Variants in CLVS1 observed in about 807,000 individuals in gnomAD.
CLVS1 encodes clavesin 1, also known as clavesin-1.
Under a neutral mutation model 33.1 loss-of-function variants are expected in CLVS1, and 10 were observed. That is an observed-to-expected ratio of 0.30 (90% CI 0.19 to 0.51). The LOEUF (loss-of-function observed/expected upper bound fraction) is 0.51, where lower values mean the gene tolerates loss of function less well. Among genes scored for constraint, CLVS1 ranks in the 20% least tolerant of loss-of-function variants. CLVS1 has a pLI of 0.97. For missense variants in CLVS1, 343 were observed against 433.4 expected, an observed-to-expected ratio of 0.79 and a Z score of 1.85; for synonymous variants, 163 against 166.1, an observed-to-expected ratio of 0.98 and a Z score of 0.14.
At chr8:61,113,844 C>G (rs73685729) in intron 1 of CLVS1, among the ~76,000 whole-genome samples, 2,664 of 152,288 alleles carry the variant, frequency 0.017, 79 homozygotes, top group African/African-American at 0.057. Context: ...GTTGCCCAGG[C>G]TGGTCTCAAA....
chr8:61,011,691 C>T, the CLVS1 span, among the ~76,000 whole-genome samples: 1 of 152,180 alleles, frequency 6.6e-6, no homozygotes, highest in East Asian at 1.9e-4. Context: ...TCGTGATTCA[C>T]CCACCTCGGA....
At chr8:61,231,286 G>GCACACACACACA (rs4033613) in intron 2 of CLVS1, among the ~76,000 whole-genome samples, 152 of 150,076 alleles carry the variant, frequency 1.0e-3, no homozygotes, top group African/African-American at 3.6e-3. Flanking sequence ...ACCTGTGCTT[G>GCACACACACACA]CACACACACA....
At chr8:61,015,036 C>T in the CLVS1 span, among the ~76,000 whole-genome samples, 1 of 152,234 alleles carries the variant, frequency 6.6e-6, no homozygotes, top group African/African-American at 2.4e-5. Context: ...AATACCAAAT[C>T]TGCCAGTGGC....
At chr8:61,193,621 A>G (rs1030982757) in intron 2 of CLVS1, among the ~76,000 whole-genome samples, 11 of 152,142 alleles carry the variant, frequency 7.2e-5, no homozygotes. Context: ...ACTGTAAGAA[A>G]ACAACCGCCA....
rs377090795 is a variant in CLVS1 at position 61,068,199 on chromosome 8, GTA to G, written c.-243+10987_-243+10988del. On this transcript the variant is annotated intron_variant, in intron 1 of 2. Transcript: ENST00000522621. Reference sequence around the variant, plus strand: ...ATTAAAAGAATATATATGTGTATATGTATATATATATATATATATGTATGTAT... The same window carrying G: ...ATTAAAAGAATATATATGTGTATATGTATATATATATATATATGTATGTAT... Among the ~76,000 whole-genome samples, 260 of 97,592 alleles carry G rather than the reference GTA, an allele frequency of 2.7e-3. 2 individuals carry two copies. The highest frequency in any genetic ancestry group is 7.7e-3 in the African/African-American group (166 of 21,520). The allele number at this position is 97,592 out of a possible 152,430, so 64.0% of individuals were successfully genotyped here. A position where few individuals can be genotyped will look rare whatever the true frequency, so the allele number is the denominator to read the frequency against.
intron 1 of CLVS1, among the ~76,000 whole-genome samples, chr8:61,293,100 A>T (rs1392305521): frequency 2.6e-5 from 4 of 151,952 alleles, no homozygotes. Flanking sequence ...GAGCCAAGGG[A>T]GTCTACACAA....
chr8:61,266,262 A>G (rs1433189936), intron 2 of CLVS1, among the ~76,000 whole-genome samples: 1 of 151,014 alleles, frequency 6.6e-6, no homozygotes, highest in Non-Finnish European at 1.5e-5. Flanking sequence ...ACTTGTGACA[A>G]TGCCAGACAC....
At chr8:61,121,272 C>G (rs1805864360) in intron 1 of CLVS1, among the ~76,000 whole-genome samples, 1 of 152,204 alleles carries the variant, frequency 6.6e-6, no homozygotes, top group Admixed American at 6.5e-5. Flanking sequence ...CACCCACTGT[C>G]TGGCACTCCC....
chr8:61,432,189 T>C (rs895978972), intron 3 of CLVS1, among the ~76,000 whole-genome samples: 2 of 152,164 alleles, frequency 1.3e-5, no homozygotes. Context: ...GTGAGATCTC[T>C]TTCAAATGAT....
intron 2 of CLVS1, among the ~76,000 whole-genome samples, chr8:61,219,805 G>C (rs1203068188): frequency 6.6e-6 from 1 of 151,990 alleles, no homozygotes; most frequent in Non-Finnish European, 1.5e-5. Context: ...GCCTTGCCAG[G>C]ATCTATTGTT....
intron 1 of CLVS1, among the ~76,000 whole-genome samples, chr8:61,062,147 C>T (rs1310429919): frequency 6.6e-6 from 1 of 152,130 alleles, no homozygotes; most frequent in Non-Finnish European, 1.5e-5. Context: ...GTCAAAACTC[C>T]ACCCCTGGGA....
the CLVS1 span, among the ~76,000 whole-genome samples, chr8:60,999,525 C>T: frequency 6.6e-6 from 1 of 152,184 alleles, no homozygotes; most frequent in Non-Finnish European, 1.5e-5. Context: ...ACCCTGCCTA[C>T]CTCACAAGGA....
intron 2 of CLVS1, among the ~76,000 whole-genome samples, chr8:61,144,682 A>G (rs1426801734): frequency 6.6e-6 from 1 of 152,204 alleles, no homozygotes; most frequent in Non-Finnish European, 1.5e-5. Context: ...AACAGTGTAA[A>G]AGCATTCCTA....
At chr8:61,191,009 C>G (rs1238727285) in intron 2 of CLVS1, among the ~76,000 whole-genome samples, 1 of 152,184 alleles carries the variant, frequency 6.6e-6, no homozygotes, top group Non-Finnish European at 1.5e-5. Flanking sequence ...AGGGAATCCT[C>G]CCTAACTCAT....
chr8:61,186,713 T>G (rs1409164450), intron 2 of CLVS1, among the ~76,000 whole-genome samples: 3 of 152,134 alleles, frequency 2.0e-5, no homozygotes, highest in African/African-American at 7.2e-5. Context: ...AAAGAGACTC[T>G]GTAATTGAAA....
intron 1 of CLVS1, among the ~76,000 whole-genome samples, chr8:61,062,213 A>G (rs189287442): frequency 1.3e-5 from 2 of 152,320 alleles, no homozygotes; most frequent in East Asian, 1.9e-4. Context: ...TACAGTTACC[A>G]GGAGGATACT....
chr8:61,167,886 A>G (rs565260687), intron 2 of CLVS1, among the ~76,000 whole-genome samples: 3 of 152,320 alleles, frequency 2.0e-5, no homozygotes, highest in Non-Finnish European at 2.9e-5. Context: ...GTTATCCTAT[A>G]TAGTCTAAAA....
rs371751647 is a variant in CLVS1, at chr8:61,270,806, A to G, written c.-151-28871A>G. On this transcript the variant is annotated intron_variant, in intron 2 of 2. Coordinates refer to the CLVS1 transcript ENST00000522621. ...GATTTTCTAGTTTATTTGCGTAGAG[A>G]TGTTTGTAGTATTCTCTGATGGTAG... is the stretch of plus-strand genomic sequence containing the variant. Among the ~76,000 whole-genome samples the G allele has an allele frequency of 9.1e-3, 1,278 of 139,722 alleles. 22 individuals are homozygous for G. Among genetic ancestry groups the G allele is most frequent in the African/African-American group, 0.03 (1,167 of 38,880 alleles). The allele number at this position is 139,722 out of a possible 152,430, so 91.7% of individuals were successfully genotyped here.
At chr8:61,025,640 G>T in the CLVS1 span, among the ~76,000 whole-genome samples, 9 of 152,288 alleles carry the variant, frequency 5.9e-5, no homozygotes, top group South Asian at 1.9e-3. Flanking sequence ...TGGCCTTGTT[G>T]TTCATGTTGT....
Sources: gnomAD v4.1 joint callset for allele counts (sites outside exome capture counted in the v4.1 genomes callset) on GRCh38, gnomAD v4.1.1 for gene constraint, MANE v1.5 for transcripts, NCBI Gene and HGNC (gene_info 2026-07-23, HGNC 2026-07-21) for gene names.